PRSS38: variants seen among roughly 807,000 people sequenced by gnomAD.
PRSS38 encodes the protein serine protease 38, also known as marapsin 2.
PRSS38 carries 22 observed loss-of-function variants against 26.8 expected under a neutral mutation model. The observed-to-expected ratio is 0.82, with a 90% CI of 0.59 to 1.17. The LOEUF (loss-of-function observed/expected upper bound fraction) is 1.17. Ranked by LOEUF, PRSS38 falls within the 50% of genes most tolerant of loss-of-function variation. The pLI is 0.00. For missense variants in PRSS38, 427 were observed against 422.7 expected (o/e 1.01, Z -0.09); for synonymous variants, 175 against 172.1 (o/e 1.02, Z -0.13).
intron 3 of PRSS38, among the ~76,000 whole-genome samples, chr1:227,834,663 T>C (rs1371001271): frequency 2.7e-5 from 1 of 37,664 alleles, no homozygotes. Flanking sequence ...AGCAAGACTC[T>C]GTTTCAAAAA....
chr1:227,817,229 A>G (rs1664933467), exon 3 of PRSS38: 1 of 1,613,618 alleles, frequency 6.2e-7, no homozygotes, highest in Non-Finnish European at 8.5e-7. Flanking sequence ...ATCAAAATCT[A>G]TGACATGTAC....
chr1:227,823,787 T>C (rs1182169756), intron 3 of PRSS38, among the ~76,000 whole-genome samples: 4 of 152,228 alleles, frequency 2.6e-5, no homozygotes, highest in Non-Finnish European at 5.9e-5. Flanking sequence ...TCTTGTACAG[T>C]CTGCAGAACT....
chr1:227,839,651 C>T (rs967378756), intron 3 of PRSS38, among the ~76,000 whole-genome samples: 41 of 152,276 alleles, frequency 2.7e-4, no homozygotes, highest in East Asian at 1.9e-3. Context: ...CTCAGACTGG[C>T]GACAGTTTTA....
At chr1:227,843,032 C>T (rs1221936038) in intron 3 of PRSS38, among the ~76,000 whole-genome samples, 5 of 152,312 alleles carry the variant, frequency 3.3e-5, no homozygotes, top group African/African-American at 7.2e-5. Flanking sequence ...TAGACTTCAC[C>T]GTCTCTAATG....
At chr1:227,842,535 T>C (rs1665353013) in intron 3 of PRSS38, among the ~76,000 whole-genome samples, 1 of 152,126 alleles carries the variant, frequency 6.6e-6, no homozygotes, top group African/African-American at 2.4e-5. Flanking sequence ...TCTGCTTTTG[T>C]GGCCCTGCCC....
chr1:227,816,642 A>C lies in PRSS38; in HGVS notation c.311+390A>C, dbSNP rs1664922857. Among the ~76,000 whole-genome samples, 1 of 151,832 alleles carries C rather than the reference A, an allele frequency of 6.6e-6. No individual in the cohort carries two copies. The highest frequency in any genetic ancestry group is 1.5e-5 in the Non-Finnish European group (1 of 67,992). On this transcript the variant is annotated intron_variant, in intron 2 of 4. Transcript: ENST00000366757. The surrounding 1 kb of genome is among the most constrained non-coding windows in gnomAD (Gnocchi z 5.1). ...GTGCACGACCAGGTCCCCACGAGTG[A>C]GGCTGGTCCTCAAGGGCACAGCCAG... is the stretch of plus-strand genomic sequence containing the variant.
intron 3 of PRSS38, among the ~76,000 whole-genome samples, chr1:227,831,771 G>A (rs1665156723): frequency 6.6e-6 from 1 of 152,134 alleles, no homozygotes. Flanking sequence ...AGAATCATTT[G>A]AAGCTGGGTG....
Position 227,816,159 on chromosome 1 carries a change from G to A in PRSS38, c.218G>A (p.Trp73Ter). Residue 73 changes from tryptophan to a stop codon, truncating the protein, a stop_gained, in exon 2 of 5, where the codon TGG becomes TAG. Coordinates refer to ENST00000366757, the Ensembl canonical transcript of PRSS38. LOFTEE classifies it high-confidence loss of function. This position sits in a 1 kb window ranked among gnomAD's most constrained non-coding sequence, Gnocchi z 5.1. ...CCTGCGCCCGAGAGGAAGTGGCCGT[G>A]GCAGGTCAGCGTGCACTACGCAGGC... 6.2e-7 allele frequency: 1 copy of A among 1,613,672 alleles called. No homozygotes were observed. The highest frequency in any genetic ancestry group is 8.5e-7 in the Non-Finnish European group (1 of 1,179,940).
rs1159611682 is a variant in PRSS38 at position 227,816,726 on chromosome 1, G to C, written c.311+474G>C. ...AGCCAGATTCCCACAAGTGAGGCTG[G>C]TCCTCAAGTGCACAGCCAGGTCCCA... On this transcript the variant is annotated intron_variant, in intron 2 of 4. Transcript: ENST00000366757. The surrounding 1 kb of genome is among the most constrained non-coding windows in gnomAD (Gnocchi z 5.1). Among the ~76,000 whole-genome samples the C allele has an allele frequency of 1.3e-5, 2 of 151,760 alleles. No homozygotes were observed. The highest frequency in any genetic ancestry group is 4.8e-5 in the African/African-American group (2 of 41,276).
chr1:227,835,679 C>T (rs181243735), intron 3 of PRSS38, among the ~76,000 whole-genome samples: 11 of 152,192 alleles, frequency 7.2e-5, no homozygotes, highest in Admixed American at 3.9e-4. Context: ...CTCAAAAACA[C>T]AATGCTAAGT....
intron 3 of PRSS38, among the ~76,000 whole-genome samples, chr1:227,820,670 T>C (rs941231406): frequency 2.6e-5 from 4 of 152,218 alleles, no homozygotes; most frequent in Non-Finnish European, 5.9e-5. Context: ...CTTAAAGGTA[T>C]GATCTGTAGT....
chr1:227,839,546 T>G (rs1665286618), intron 3 of PRSS38, among the ~76,000 whole-genome samples: 1 of 151,940 alleles, frequency 6.6e-6, no homozygotes, highest in African/African-American at 2.4e-5. Flanking sequence ...GAAAAACAAA[T>G]TTTTAAAAGG....
chr1:227,820,716 G>A (rs1265569129), intron 3 of PRSS38, among the ~76,000 whole-genome samples: 1 of 152,044 alleles, frequency 6.6e-6, no homozygotes, highest in Non-Finnish European at 1.5e-5. Context: ...TTTGGCATCA[G>A]GATAATTCTT....
intron 3 of PRSS38, among the ~76,000 whole-genome samples, chr1:227,829,676 T>G (rs1439788741): frequency 1.3e-5 from 2 of 152,226 alleles, no homozygotes; most frequent in East Asian, 3.8e-4. Context: ...TTGATTTTTA[T>G]TCATTTCATT....
At chr1:227,827,072 C>T (rs1254337298) in intron 3 of PRSS38, among the ~76,000 whole-genome samples, 5 of 152,092 alleles carry the variant, frequency 3.3e-5, no homozygotes, top group South Asian at 2.1e-4. Context: ...CTGCTGGATT[C>T]GGTTTGCCAG....
intron 3 of PRSS38, among the ~76,000 whole-genome samples, chr1:227,844,998 CCTATGTGTGGTGGGGCTGCTCT>C (rs1256090659): frequency 2.8e-5 from 4 of 141,212 alleles, no homozygotes; most frequent in Non-Finnish European, 4.6e-5. Flanking sequence ...GGGGCTCCTC[CCTATGTGTGGTGGGGCTGCTCT>C]CTATGTGTGG....
At position 227,819,079 on chromosome 1, in the gene PRSS38, T is replaced by C. The variant is rs78254112; in HGVS notation, c.583+1599T>C. On this transcript the variant is annotated intron_variant, in intron 3 of 4. Transcript: ENST00000366757. ...ACTGTAATTCATGTGCTCTTATTAT[T>C]ACTTTTCTGACTTCTCTTAATTCCT... Among the ~76,000 whole-genome samples the C allele has an allele frequency of 6.6e-3, 1,001 of 152,334 alleles. 14 individuals are homozygous for C. Among genetic ancestry groups the C allele is most frequent in the African/African-American group, 0.023 (937 of 41,580 alleles).
chr1:227,825,457 T>C (rs1572083236), intron 3 of PRSS38, among the ~76,000 whole-genome samples: 1 of 152,230 alleles, frequency 6.6e-6, no homozygotes, highest in African/African-American at 2.4e-5. Flanking sequence ...CCCAAAGTGC[T>C]GTGATTACAG....
At chr1:227,834,754 C>T (rs917103142) in intron 3 of PRSS38, among the ~76,000 whole-genome samples, 1 of 151,898 alleles carries the variant, frequency 6.6e-6, no homozygotes, top group Non-Finnish European at 1.5e-5. Context: ...TACCTGAGCT[C>T]AGCGGGTCGA....
Sources: allele counts gnomAD v4.1 joint callset (sites outside exome capture counted in the v4.1 genomes callset), GRCh38; gene constraint gnomAD v4.1.1; non-coding constraint Gnocchi (gnomAD v3.1); transcripts MANE v1.5; gene names NCBI Gene and HGNC (gene_info 2026-07-23, HGNC 2026-07-21).